The following ZNF248 variants were observed in gnomAD, a reference collection of about 807,000 sequenced individuals.
ZNF248 encodes zinc finger protein 248.
A neutral mutation model predicts 44.3 loss-of-function variants in ZNF248; 20 were observed. That is an observed-to-expected ratio of 0.45 (90% CI 0.32 to 0.66). ZNF248 has a LOEUF of 0.66. Ranked by LOEUF, ZNF248 falls within the 30% of genes least tolerant of loss-of-function variation. The pLI is 0.04. For missense variants in ZNF248, 654 were observed against 677.0 expected (o/e 0.97, Z 0.38); for synonymous variants, 224 against 229.0 (o/e 0.98, Z 0.20).
At chr10:37,827,540 G>A (rs1222475120), downstream of ZNF248, among the ~76,000 whole-genome samples, 1 of 152,168 alleles carries the variant, frequency 6.6e-6, no homozygotes, top group East Asian at 1.9e-4. Flanking sequence ...AGAAGCCTGG[G>A]AATGCAAGAT....
chr10:37,851,661 C>A (rs1448982782), intron 3 of ZNF248, among the ~76,000 whole-genome samples: 1 of 149,500 alleles, frequency 6.7e-6, no homozygotes. Context: ...TTCTAAGACA[C>A]GAAGGACTAT....
intron 6 of ZNF248, among the ~76,000 whole-genome samples, chr10:37,779,457 T>C (rs2047015682): frequency 1.3e-5 from 2 of 152,200 alleles, no homozygotes; most frequent in South Asian, 2.1e-4. Context: ...TTTGACAAAA[T>C]TCAACAACCC....
Position 37,850,932 on chromosome 10 carries a change from G to A in ZNF248, c.15+5364C>T, listed in dbSNP as rs12258811. Among the ~76,000 whole-genome samples, 706 of 152,070 alleles carry A rather than the reference G, an allele frequency of 4.6e-3. 3 individuals are homozygous for A. The highest frequency in any genetic ancestry group is 0.015 in the African/African-American group (640 of 41,510). On this transcript the variant is annotated intron_variant, in intron 3 of 5. Coordinates refer to ENST00000395867, the MANE Select transcript of ZNF248 (RefSeq NM_021045.3). The stretch of plus-strand genomic sequence containing the variant: ...AGACTTGATAACAAAAGCATCATCC[G>A]TAACAAAATATTGACAAACTGGACT...
chr10:37,847,421 G>A (rs1168098387), intron 3 of ZNF248, among the ~76,000 whole-genome samples: 2 of 152,132 alleles, frequency 1.3e-5, no homozygotes, highest in Non-Finnish European at 2.9e-5. Flanking sequence ...ACGGATTTAG[G>A]TAACAGTGTG....
chr10:37,783,230 C>A (rs1411848689), intron 6 of ZNF248, among the ~76,000 whole-genome samples: 1 of 152,118 alleles, frequency 6.6e-6, no homozygotes, highest in Non-Finnish European at 1.5e-5. Context: ...TAGCAATAGA[C>A]AATTCTCTGG....
intron 6 of ZNF248, among the ~76,000 whole-genome samples, chr10:37,790,105 C>G (rs949704796): frequency 8.1e-6 from 1 of 123,086 alleles, no homozygotes; most frequent in Non-Finnish European, 1.7e-5. Flanking sequence ...ACTGAAAATA[C>G]AAAAAAAAAA....
At chr10:37,849,650 G>A (rs2059901887) in intron 3 of ZNF248, among the ~76,000 whole-genome samples, 1 of 151,748 alleles carries the variant, frequency 6.6e-6, no homozygotes. Flanking sequence ...GCACACCACT[G>A]CACTCTAGCC....
intron 3 of ZNF248, among the ~76,000 whole-genome samples, chr10:37,839,353 G>A (rs904882735): frequency 1.6e-4 from 25 of 151,966 alleles, no homozygotes; most frequent in African/African-American, 6.0e-4. Context: ...TATGACTATG[G>A]GTCTACAAGA....
At chr10:37,762,410 C>T in the ZNF248 span, among the ~76,000 whole-genome samples, 2 of 152,172 alleles carry the variant, frequency 1.3e-5, no homozygotes, top group East Asian at 3.8e-4. Context: ...CCCCAGATCA[C>T]ACACCTAATA....
At chr10:37,788,954 C>G (rs2048200958) in intron 6 of ZNF248, among the ~76,000 whole-genome samples, 1 of 152,014 alleles carries the variant, frequency 6.6e-6, no homozygotes, top group Admixed American at 6.6e-5. Flanking sequence ...TCACTGCAAC[C>G]TCTGCTTCCT....
At chr10:37,825,832 T>A, downstream of ZNF248, among the ~76,000 whole-genome samples, 1 of 150,004 alleles carries the variant, frequency 6.7e-6, no homozygotes, top group East Asian at 2.0e-4. Flanking sequence ...ACCCCTATTA[T>A]CCAGAGAGTA....
At chr10:37,802,255 T>C (rs1172113747) in intron 6 of ZNF248, among the ~76,000 whole-genome samples, 2 of 152,158 alleles carry the variant, frequency 1.3e-5, no homozygotes, top group African/African-American at 2.4e-5. Flanking sequence ...AAGAGAATTA[T>C]AAAGGTAAAG....
At chr10:37,763,258 T>C in the ZNF248 span, among the ~76,000 whole-genome samples, 28 of 152,154 alleles carry the variant, frequency 1.8e-4, no homozygotes, top group Admixed American at 1.4e-3. Context: ...AGGGGATGAT[T>C]GTCGGGTAAT....
chr10:37,843,353 AGG>A (rs1436437723), intron 3 of ZNF248, among the ~76,000 whole-genome samples: 2 of 150,014 alleles, frequency 1.3e-5, no homozygotes, highest in African/African-American at 4.9e-5. Context: ...TGAACCCGGG[AGG>A]CAGAGGTTGC....
At chr10:37,820,315 A>C (rs2053252256) in intron 6 of ZNF248, 1 of 1,402,816 alleles carries the variant, frequency 7.1e-7, no homozygotes, top group Non-Finnish European at 1.0e-6. Context: ...TGCTGAGCTG[A>C]AACAGAAGTG....
chr10:37,795,507 G>C (rs1360734771), intron 6 of ZNF248: 2 of 152,058 alleles, frequency 1.3e-5, no homozygotes, highest in East Asian at 3.9e-4. Flanking sequence ...CTCCCAACAT[G>C]AGATCTCTTT....
chr10:37,766,736 C>T, the ZNF248 span, among the ~76,000 whole-genome samples: 1 of 152,172 alleles, frequency 6.6e-6, no homozygotes, highest in Admixed American at 6.5e-5. Flanking sequence ...TCCAAAGGAA[C>T]ACAGCTCCTC....
rs887192711 is a variant in ZNF248 at position 37,829,904 on chromosome 10, C to G, written c.*1711G>C. On this transcript the variant is annotated 3_prime_UTR_variant, in exon 6 of 6. Transcript: ENST00000395867. ...GCTTTGACTAATCTGGACTTACCAC[C>G]TAAGTCATCTGGGAGAAGGATGCAC... 13 of 985,234 alleles carry G rather than the reference C, an allele frequency of 1.3e-5. No homozygotes were observed. The African/African-American group carries it at 2.3e-4, about 17-fold the overall frequency. The allele number at this position is 985,234 out of a possible 1,614,324, so 61.0% of individuals were successfully genotyped here.
In ZNF248 at chr10:37,820,357, G is replaced by A. The variant is rs2053262053; in HGVS notation, c.330+12668C>T. The A allele has an allele frequency of 1.1e-5, 15 of 1,419,574 alleles. No homozygotes were observed. In the East Asian group the frequency reaches 3.2e-4, roughly 30 times the overall value. The allele number at this position is 1,419,574 out of a possible 1,614,324, so 87.9% of individuals were successfully genotyped here. On this transcript the variant is annotated intron_variant, in intron 6 of 6. Transcript: ENST00000615949. ...AGGCCAGCTCCCCTTTGTGCCAGCT[G>A]CTCTGGGTCAAGCCGAGGTTTTGTT...
Sources: gnomAD v4.1 joint callset for allele counts (sites outside exome capture counted in the v4.1 genomes callset) on GRCh38, gnomAD v4.1.1 for gene constraint, MANE v1.5 for transcripts, NCBI Gene and HGNC (gene_info 2026-07-23, HGNC 2026-07-21) for gene names.